Variants in CDH20 observed in about 807,000 individuals in gnomAD.
CDH20 encodes cadherin 20, also known as cadherin-20.
A neutral mutation model predicts 74.2 loss-of-function variants in CDH20; 29 were observed. That is an observed-to-expected ratio of 0.39 (90% CI 0.29 to 0.53). CDH20 has a LOEUF of 0.53. Ranked by LOEUF, CDH20 falls within the 20% of genes least tolerant of loss-of-function variation. CDH20 has a pLI of 0.69. For missense variants in CDH20, 988 were observed against 1,048.3 expected (o/e 0.94, Z 0.79); for synonymous variants, 469 against 405.4 (o/e 1.16, Z -1.88).
At chr18:61,439,908 G>A (rs1281053754) in intron 1 of CDH20, among the ~76,000 whole-genome samples, 1 of 152,068 alleles carries the variant, frequency 6.6e-6, no homozygotes, top group Non-Finnish European at 1.5e-5. Flanking sequence ...TATGTTTCAG[G>A]AAAACAATAT....
chr18:61,423,441 C>A (rs1042604987), intron 1 of CDH20, among the ~76,000 whole-genome samples: 1 of 152,194 alleles, frequency 6.6e-6, no homozygotes, highest in Admixed American at 6.5e-5. Flanking sequence ...ATCCCATTCA[C>A]TTGTTTGTGA....
At chr18:61,536,195 T>C (rs907242365) in intron 7 of CDH20, among the ~76,000 whole-genome samples, 8 of 152,206 alleles carry the variant, frequency 5.3e-5, no homozygotes, top group African/African-American at 1.9e-4. Flanking sequence ...TTGGGGTAAT[T>C]CCAAGCATTA....
At chr18:61,530,706 A>G (rs973494931) in intron 7 of CDH20, among the ~76,000 whole-genome samples, 2 of 152,192 alleles carry the variant, frequency 1.3e-5, no homozygotes, top group East Asian at 3.9e-4. Flanking sequence ...CAATGTTTGG[A>G]TCCCCTGAAT....
At position 61,388,232 on chromosome 18, in the gene CDH20, G is replaced by A. The variant is rs143826014; in HGVS notation, c.-153+54405G>A. 3.1e-3 allele frequency among the ~76,000 whole-genome samples: 465 copies of A among 152,284 alleles called. 1 individual carries two copies. Among genetic ancestry groups the A allele is most frequent in the Middle Eastern group, 0.01 (3 of 294 alleles). On this transcript the variant is annotated intron_variant, in intron 1 of 11. Coordinates refer to ENST00000262717, the MANE Select transcript of CDH20 (RefSeq NM_031891.4). ...AGTAATATTTTTATCTGGCCAAGAAGAGTGTTCCAAGAGAAAGATCAGCAT... is the reference window on the plus strand; with the variant it reads ...AGTAATATTTTTATCTGGCCAAGAAAAGTGTTCCAAGAGAAAGATCAGCAT...
chr18:61,357,992 A>C (rs1235819269), intron 1 of CDH20, among the ~76,000 whole-genome samples: 2 of 152,000 alleles, frequency 1.3e-5, no homozygotes, highest in Non-Finnish European at 2.9e-5. Context: ...GTTCATGTCT[A>C]TGCACCATTC....
intron 1 of CDH20, among the ~76,000 whole-genome samples, chr18:61,340,419 G>A (rs1206585637): frequency 6.6e-6 from 1 of 151,922 alleles, no homozygotes; most frequent in African/African-American, 2.4e-5. Context: ...TAGAGTTAAG[G>A]TTGTGGGCAA....
rs182131250 is a variant in CDH20 at position 61,423,461 on chromosome 18, G to T, written c.-152-66941G>T. ...ATTCACTTGTTTGTGAATAATCTCT[G>T]CATCATCCATCAGGGCCAAGGCCCT... On this transcript the variant is annotated intron_variant, in intron 1 of 11. Coordinates refer to ENST00000262717, the MANE Select transcript of CDH20 (RefSeq NM_031891.4). Among the ~76,000 whole-genome samples the T allele has an allele frequency of 2.0e-5, 3 of 152,236 alleles. No individual in the cohort carries two copies. In the East Asian group the frequency reaches 5.8e-4, roughly 29 times the overall value.
chr18:61,462,247 A>G (rs1052339385), intron 1 of CDH20, among the ~76,000 whole-genome samples: 2 of 152,158 alleles, frequency 1.3e-5, no homozygotes, highest in African/African-American at 4.8e-5. Flanking sequence ...TGCTTTAGTC[A>G]TTTCACAATG....
intron 11 of CDH20, among the ~76,000 whole-genome samples, 186 bp from the exon 12 acceptor site, chr18:61,554,004 C>T (rs999186645): frequency 2.0e-5 from 3 of 152,168 alleles, no homozygotes; most frequent in African/African-American, 7.2e-5. Flanking sequence ...CACAACCTGA[C>T]TTACAGAAAG....
intron 8 of CDH20, among the ~76,000 whole-genome samples, chr18:61,538,620 G>GTTTTTTTTTTTTTTTTTTTTTTTTTTTT (rs746315637): frequency 2.4e-5 from 1 of 41,544 alleles, no homozygotes. Context: ...TTTTGTTTTT[G>GTTTTTTTTTTTTTTTTTTTTTTTTTTTT]TTTTGTTTTT....
At chr18:61,356,976 C>T (rs940151350) in intron 1 of CDH20, among the ~76,000 whole-genome samples, 8 of 152,140 alleles carry the variant, frequency 5.3e-5, no homozygotes, top group African/African-American at 1.9e-4. Flanking sequence ...CATGTAGAAA[C>T]TAGTTCAATA....
chr18:61,363,508 A>T (rs1910765703), intron 1 of CDH20, among the ~76,000 whole-genome samples: 1 of 152,220 alleles, frequency 6.6e-6, no homozygotes, highest in African/African-American at 2.4e-5. Context: ...AGAAAATTAA[A>T]ATATAGCATT....
chr18:61,345,729 C>T (rs1208423030), intron 1 of CDH20, among the ~76,000 whole-genome samples: 1 of 151,946 alleles, frequency 6.6e-6, no homozygotes, highest in Non-Finnish European at 1.5e-5. Context: ...AATCAAGAAC[C>T]CAGATGTCTT....
chr18:61,490,561 C>T lies in CDH20; in HGVS notation c.8C>T (p.Thr3Ile). 1 of 1,613,844 alleles carries T rather than the reference C, an allele frequency of 6.2e-7. No individual in the cohort carries two copies. Residue 3 changes from threonine to isoleucine, a missense_variant, in exon 2 of 12, where the codon ACT becomes ATT. This residue lies in a region of CDH20 where 613 missense variants were observed against 755.2 expected (regional missense o/e 0.81). Coordinates refer to ENST00000262717, the MANE Select transcript of CDH20 (RefSeq NM_031891.4). MW[T>I]SGRMSNAKNW... ...TGAAAACCTGGCAATCCCATGTGGA[C>T]TTCTGGTAGAATGAGCAATGCAAAG...
At chr18:61,542,160 A>C (rs981600738) in intron 9 of CDH20, among the ~76,000 whole-genome samples, 4 of 152,132 alleles carry the variant, frequency 2.6e-5, no homozygotes, top group African/African-American at 9.7e-5. Context: ...TTACCTCTCT[A>C]TGTGTTTGGC....
chr18:61,530,762 C>T (rs1358153278), intron 7 of CDH20, among the ~76,000 whole-genome samples: 3 of 152,148 alleles, frequency 2.0e-5, no homozygotes, highest in South Asian at 2.1e-4. Flanking sequence ...GATACTGAGC[C>T]ATTTGGCAAC....
intron 1 of CDH20, among the ~76,000 whole-genome samples, chr18:61,412,982 CT>C (rs1912562723): frequency 6.6e-6 from 1 of 152,126 alleles, no homozygotes; most frequent in African/African-American, 2.4e-5. Context: ...TCACAATTAA[CT>C]TTTGTAATTA....
At chr18:61,476,443 C>T (rs1012661891) in intron 1 of CDH20, among the ~76,000 whole-genome samples, 3 of 152,132 alleles carry the variant, frequency 2.0e-5, no homozygotes, top group African/African-American at 7.2e-5. Flanking sequence ...AAGATATATC[C>T]AAATTCCTGA....
At chr18:61,371,362 G>C (rs1911031712) in intron 1 of CDH20, among the ~76,000 whole-genome samples, 1 of 151,976 alleles carries the variant, frequency 6.6e-6, no homozygotes, top group African/African-American at 2.4e-5. Flanking sequence ...GTCTTGAATT[G>C]TCCCTTGTTA....
Sources: allele counts gnomAD v4.1 joint callset (sites outside exome capture counted in the v4.1 genomes callset), GRCh38; gene constraint gnomAD v4.1.1; regional missense constraint gnomAD v4.1.1; transcripts MANE v1.5; gene names NCBI Gene and HGNC (gene_info 2026-07-23, HGNC 2026-07-21).